Variants in ZRANB3 observed in about 807,000 individuals in gnomAD.
ZRANB3 encodes the protein zinc finger RANBP2-type containing 3.
In ZRANB3, 125 loss-of-function variants were observed where a neutral mutation model predicts 133.8. The ratio of observed to expected loss-of-function variants is 0.93; its 90% CI spans 0.81 to 1.08. The LOEUF (loss-of-function observed/expected upper bound fraction) is 1.08, where lower values mean the gene tolerates loss of function less well. Ranked by LOEUF, ZRANB3 falls within the 50% of genes least tolerant of loss-of-function variation. The probability of loss-of-function intolerance (pLI) is 0.00; values close to 1 mark genes in which losing one functional copy is unlikely to be tolerated. For synonymous variants in ZRANB3, 387 were observed against 432.7 expected (o/e 0.89, Z 1.31); for missense variants, 1,229 against 1,275.5 (o/e 0.96, Z 0.56).
intron 12 of ZRANB3, among the ~76,000 whole-genome samples, chr2:135,257,831 T>C (rs1213742949): frequency 6.6e-6 from 1 of 152,212 alleles, no homozygotes; most frequent in Admixed American, 6.5e-5. Flanking sequence ...CTAGTATGGA[T>C]TGGCAAAGTT....
At chr2:135,474,786 C>T (rs541711967) in intron 2 of ZRANB3, among the ~76,000 whole-genome samples, 43 of 152,206 alleles carry the variant, frequency 2.8e-4, no homozygotes, top group Admixed American at 1.2e-3. Context: ...ACCTATAGTT[C>T]GGTTTAAATA....
chr2:135,437,403 C>A (rs1047395696), intron 2 of ZRANB3, among the ~76,000 whole-genome samples: 2 of 152,148 alleles, frequency 1.3e-5, no homozygotes, highest in Non-Finnish European at 2.9e-5. Context: ...GCATAACGTT[C>A]AGAAACAAAG....
intron 1 of ZRANB3, among the ~76,000 whole-genome samples, chr2:135,515,024 T>C (rs1693642476): frequency 6.6e-6 from 1 of 152,230 alleles, no homozygotes; most frequent in Non-Finnish European, 1.5e-5. Flanking sequence ...GATGTGCTGC[T>C]GGATTCAGTT....
At chr2:135,348,968 C>T (rs1421619971) in intron 5 of ZRANB3, among the ~76,000 whole-genome samples, 1 of 152,146 alleles carries the variant, frequency 6.6e-6, no homozygotes, top group Non-Finnish European at 1.5e-5. Context: ...ATCATCACCC[C>T]TATTATTCAT....
At chr2:135,409,447 A>T (rs1024151278) in intron 2 of ZRANB3, among the ~76,000 whole-genome samples, 2 of 122,386 alleles carry the variant, frequency 1.6e-5, no homozygotes, top group Non-Finnish European at 1.7e-5. Context: ...GCTTTATGAT[A>T]AAAAAAAACT....
At chr2:135,518,657 T>G (rs1398453601) in intron 1 of ZRANB3, among the ~76,000 whole-genome samples, 1 of 152,208 alleles carries the variant, frequency 6.6e-6, no homozygotes, top group Admixed American at 6.5e-5. Context: ...ACTGGTCTTC[T>G]GAGTTGATCT....
chr2:135,436,281 T>C (rs912957857), intron 2 of ZRANB3, among the ~76,000 whole-genome samples: 15 of 152,188 alleles, frequency 9.9e-5, no homozygotes, highest in Admixed American at 6.5e-5. Flanking sequence ...TAGTCATAGA[T>C]GTACAGCCTT....
intron 1 of ZRANB3, among the ~76,000 whole-genome samples, chr2:135,518,175 G>A (rs186389510): frequency 7.2e-5 from 11 of 152,126 alleles, no homozygotes; most frequent in African/African-American, 2.7e-4. Context: ...TCAAGCCAGT[G>A]GATCTACTTA....
At chr2:135,227,595 G>A (rs538358490) in intron 14 of ZRANB3, among the ~76,000 whole-genome samples, 11 of 152,232 alleles carry the variant, frequency 7.2e-5, no homozygotes, top group South Asian at 2.1e-4. Flanking sequence ...GCTATTTATC[G>A]GTTTTGCTCT....
chr2:135,271,006 G>T (rs575011346), intron 10 of ZRANB3, among the ~76,000 whole-genome samples: 4 of 152,264 alleles, frequency 2.6e-5, no homozygotes, highest in East Asian at 1.9e-4. Context: ...GCAGGGCTAC[G>T]TGGAATAAAG....
chr2:135,367,323 C>T lies in ZRANB3; in HGVS notation c.181-13695G>A, dbSNP rs914333727. On this transcript the variant is annotated intron_variant, in intron 3 of 20. Coordinates refer to ENST00000264159, the MANE Select transcript of ZRANB3 (RefSeq NM_032143.4). Reference sequence around the variant, plus strand: ...AACAACTCAGGACTGGTGGCAGCCACGTCCCCGTGTAGACAGTGGACTGGA... The same window carrying T: ...AACAACTCAGGACTGGTGGCAGCCATGTCCCCGTGTAGACAGTGGACTGGA... Among the ~76,000 whole-genome samples the T allele has an allele frequency of 2.6e-5, 4 of 152,162 alleles. No individual in the cohort carries two copies. In the East Asian group the frequency reaches 5.8e-4, roughly 22 times the overall value.
Position 135,356,028 on chromosome 2 carries a change from T to A in ZRANB3, c.181-2400A>T, listed in dbSNP as rs79182527. Among the ~76,000 whole-genome samples the A allele has an allele frequency of 3.0e-3, 451 of 152,250 alleles. 3 individuals are homozygous for A. Among genetic ancestry groups the A allele is most frequent in the African/African-American group, 0.01 (420 of 41,552 alleles). On this transcript the variant is annotated intron_variant, in intron 3 of 20. Transcript: ENST00000264159. ...TGCACTTCATGTATGACTAACAATG[T>A]TCTGTGTTGGCTTGCCAGACAACTC...
intron 1 of ZRANB3, among the ~76,000 whole-genome samples, chr2:135,516,107 T>C (rs1236363064): frequency 6.6e-6 from 1 of 152,060 alleles, no homozygotes; most frequent in South Asian, 2.1e-4. Flanking sequence ...CCCTGTTTTT[T>C]CTTTTTTTTT....
Position 135,455,171 on chromosome 2 carries a change from C to CTTTTTTTTTT in ZRANB3, c.161+49148_161+49157dup. Among the ~76,000 whole-genome samples, 156 of 37,600 alleles carry CTTTTTTTTTT rather than the reference C, an allele frequency of 4.1e-3. 21 individuals carry two copies. Among genetic ancestry groups the CTTTTTTTTTT allele is most frequent in the East Asian group, 5.6e-3 (5 of 896 alleles). 24.7% of individuals were successfully genotyped at this position (37,600 alleles called of 152,430 possible). On this transcript the variant is annotated intron_variant, in intron 2 of 20. Transcript: ENST00000264159. ...AATGGGATCACAATGCCTTCTTATA[C>CTTTTTTTTTT]TTTTTTTTTTTTTTTTTTTTTTTTT...
chr2:135,254,061 C>T (rs1255081472), intron 12 of ZRANB3, among the ~76,000 whole-genome samples: 4 of 152,178 alleles, frequency 2.6e-5, no homozygotes, highest in East Asian at 3.8e-4. Context: ...GCTTCCTCTC[C>T]TTTAACTCAC....
chr2:135,465,565 T>C (rs1690948998), intron 2 of ZRANB3, among the ~76,000 whole-genome samples: 1 of 152,136 alleles, frequency 6.6e-6, no homozygotes. Context: ...ATTGATTCAA[T>C]CCACAAAAAG....
chr2:135,267,633 A>G (rs1680311703), intron 11 of ZRANB3, among the ~76,000 whole-genome samples: 1 of 152,202 alleles, frequency 6.6e-6, no homozygotes, highest in Admixed American at 6.5e-5. Flanking sequence ...TCCATGCTTA[A>G]TGAGAAAAGG....
At chr2:135,350,849 A>T (rs1279179754) in intron 4 of ZRANB3, among the ~76,000 whole-genome samples, 1 of 152,152 alleles carries the variant, frequency 6.6e-6, no homozygotes, top group Non-Finnish European at 1.5e-5. Flanking sequence ...CACATCAAGA[A>T]CCATTAAGCT....
intron 2 of ZRANB3, among the ~76,000 whole-genome samples, chr2:135,469,995 G>C (rs1483357580): frequency 1.4e-5 from 2 of 143,704 alleles, no homozygotes; most frequent in Non-Finnish European, 1.5e-5. Flanking sequence ...CTGGGTGACA[G>C]AGCGAGACTC....
Sources: gnomAD v4.1 joint callset for allele counts (sites outside exome capture counted in the v4.1 genomes callset) on GRCh38, gnomAD v4.1.1 for gene constraint, MANE v1.5 for transcripts, NCBI Gene and HGNC (gene_info 2026-07-23, HGNC 2026-07-21) for gene names.